The following CARMIL3 variants were observed in gnomAD, a reference collection of about 807,000 sequenced individuals.
CARMIL3 encodes the protein capping protein, Arp2/3 and myosin-I linker protein 3.
Under a neutral mutation model 180.8 loss-of-function variants are expected in CARMIL3, and 88 were observed. The ratio of observed to expected loss-of-function variants is 0.49; its 90% CI spans 0.41 to 0.58. CARMIL3 has a LOEUF of 0.58. CARMIL3 is among the 20% of genes least tolerant of loss of function. CARMIL3 has a pLI of 0.00. For missense variants in CARMIL3, 1,548 were observed against 1,787.0 expected, an observed-to-expected ratio of 0.87 and a Z score of 2.41; for synonymous variants, 696 against 714.5, an observed-to-expected ratio of 0.97 and a Z score of 0.41.
rs2138731702 is a variant in CARMIL3, at chr14:24,058,647, C to T, written c.1393-33C>T. 3.7e-6 allele frequency: 6 copies of T among 1,605,962 alleles called. No individual in the cohort carries two copies. Among genetic ancestry groups the T allele is most frequent in the East Asian group, 4.5e-5 (2 of 44,812 alleles). On this transcript the variant is annotated intron_variant, in intron 17 of 39. Coordinates refer to ENST00000342740, the MANE Select transcript of CARMIL3 (RefSeq NM_138360.4). The surrounding 1 kb of genome is among the most constrained non-coding windows in gnomAD (Gnocchi z 6.4). ...AAAGGTGCCCTACCCCCACCCCAAC[C>T]CCTGCCTTCCCTACCTCACCTTGTC...
rs2035770914 is a variant in CARMIL3, at chr14:24,065,048, C to T, written c.3171C>T (p.His1057=). The T allele has an allele frequency of 6.2e-7, 1 of 1,607,738 alleles. No individual in the cohort carries two copies. The highest frequency in any genetic ancestry group is 1.1e-5 in the South Asian group (1 of 90,592). ...AGAAGAGGCGCCGGGGCCTGTTTCACTTTCGCCGGCCCCGGAGCTTCAAGG... is the reference window on the plus strand; with the variant it reads ...AGAAGAGGCGCCGGGGCCTGTTTCATTTTCGCCGGCCCCGGAGCTTCAAGG... ...LQKKRRRGLF[H]FRRPRSFKGD... The change falls in exon 33 of 40, where the codon CAC becomes CAT. Residue 1057 remains histidine (H), a synonymous_variant. Coordinates refer to ENST00000342740, the MANE Select transcript of CARMIL3 (RefSeq NM_138360.4).
At chr14:24,056,500 G>T in intron 11 of CARMIL3, 107 bp downstream of exon 11, 10 of 1,464,188 alleles carry the variant, frequency 6.8e-6, no homozygotes, top group Non-Finnish European at 9.5e-6. Context: ...TCCAGCCCCT[G>T]CCCTGACACC....
At chr14:24,065,330 G>C (rs2035775901) in intron 33 of CARMIL3, 57 bp downstream of exon 33, 1 of 1,410,698 alleles carries the variant, frequency 7.1e-7, no homozygotes, top group African/African-American at 1.4e-5. Context: ...ACTTAACCCA[G>C]TCTCCTACCC....
intron 10 of CARMIL3, among the ~76,000 whole-genome samples, 197 bp from the exon 11 acceptor site, chr14:24,056,102 A>G (rs1034636648): frequency 2.6e-5 from 4 of 152,150 alleles, no homozygotes; most frequent in African/African-American, 9.7e-5. Flanking sequence ...TCTCAGCACA[A>G]CTTCCTAAGG....
Position 24,054,740 on chromosome 14 carries a change from C to T in CARMIL3, c.392C>T (p.Thr131Ile), listed in dbSNP as rs768156724. 47 of 1,614,014 alleles carry T rather than the reference C, an allele frequency of 2.9e-5. No individual in the cohort carries two copies. The Admixed American group carries it at 7.7e-4, about 26-fold the overall frequency. Reference sequence around the variant, plus strand: ...TTGATCCGGCGTGGAAACGCAGACACCCCAGAGGGGCCCCGAGATACATCC... The same window carrying T: ...TTGATCCGGCGTGGAAACGCAGACATCCCAGAGGGGCCCCGAGATACATCC... ...GCLIRRGNADTPEGPRDTSPN... is the reference protein window; with the variant it reads ...GCLIRRGNADIPEGPRDTSPN... Residue 131 changes from threonine to isoleucine, a missense_variant, in exon 6 of 40, where the codon ACC becomes ATC. Transcript: ENST00000342740. This position sits in a 1 kb window ranked among gnomAD's most constrained non-coding sequence, Gnocchi z 5.1.
At position 24,058,799 on chromosome 14, in the gene CARMIL3, G is replaced by A; in HGVS notation, c.1474+38G>A. Reference sequence around the variant, plus strand: ...TCCTCCCTTCCCTGGGGCCAGGGGAGAACAGGGGCCTGGAGCATGCAGAAG... The same window carrying A: ...TCCTCCCTTCCCTGGGGCCAGGGGAAAACAGGGGCCTGGAGCATGCAGAAG... On this transcript the variant is annotated intron_variant, in intron 18 of 39. Transcript: ENST00000342740. The surrounding 1 kb of genome is among the most constrained non-coding windows in gnomAD (Gnocchi z 6.4). The A allele has an allele frequency of 6.2e-7, 1 of 1,612,990 alleles. No individual in the cohort carries two copies. The highest frequency in any genetic ancestry group is 8.5e-7 in the Non-Finnish European group (1 of 1,179,058).
chr14:24,069,168 C>T lies in CARMIL3; in HGVS notation c.4014C>T (p.Pro1338=), dbSNP rs935884771. ...GPPDPGRRTA[P]LKPKRTRRAQ... ...CTGATCCAGGCCGGCGGACTGCCCC[C>T]CTGAAGCCCAAGAGGACACGGCGGG... The change falls in exon 39 of 40, where the codon CCC becomes CCT. Residue 1338 remains proline, a synonymous_variant. Transcript: ENST00000342740. 1 of 1,614,040 alleles carries T rather than the reference C, an allele frequency of 6.2e-7. No homozygotes were observed. Among genetic ancestry groups the T allele is most frequent in the Non-Finnish European group, 8.5e-7 (1 of 1,179,984 alleles).
At position 24,056,659 on chromosome 14, in the gene CARMIL3, C is replaced by G; in HGVS notation, c.903C>G (p.Pro301=). 1 of 1,613,870 alleles carries G rather than the reference C, an allele frequency of 6.2e-7. No homozygotes were observed. Among genetic ancestry groups the G allele is most frequent in the Non-Finnish European group, 8.5e-7 (1 of 1,180,034 alleles). The change falls in exon 12 of 40, where the codon CCC becomes CCG. Residue 301 remains proline, a synonymous_variant. Coordinates refer to ENST00000342740, the MANE Select transcript of CARMIL3 (RefSeq NM_138360.4). Reference sequence around the variant, plus strand: ...TGAGCCAGCAGCTCCTCTGCTTCCCCTCTGGCCTCACCAAACTGTGCCTGG... The same window carrying G: ...TGAGCCAGCAGCTCCTCTGCTTCCCGTCTGGCCTCACCAAACTGTGCCTGG... ...LSLSQQLLCF[P]SGLTKLCLAK... is the part of the protein sequence containing the mutation.
intron 39 of CARMIL3, 58 bp downstream of exon 39, chr14:24,069,305 C>T: frequency 1.9e-6 from 3 of 1,612,736 alleles, no homozygotes; most frequent in Non-Finnish European, 2.5e-6. Flanking sequence ...ACATGACACC[C>T]CCCGAAGCCC....
At position 24,069,445 on chromosome 14, in the gene CARMIL3, C is replaced by A; in HGVS notation, c.*41C>A. ...CCTCCTCAGCCCTCGACATGTGCCT[C>A]GCAAGGACTCAGACCCCTATCCACC... is the stretch of plus-strand genomic sequence containing the variant. On this transcript the variant is annotated 3_prime_UTR_variant, in exon 40 of 40. Transcript: ENST00000342740. 6.2e-7 allele frequency: 1 copy of A among 1,613,840 alleles called. No homozygotes were observed. Among genetic ancestry groups the A allele is most frequent in the Non-Finnish European group, 8.5e-7 (1 of 1,179,842 alleles).
Position 24,056,948 on chromosome 14 carries a change from AC to A in CARMIL3, c.989del (p.Pro330GlnfsTer12). The A allele has an allele frequency of 6.2e-7, 1 of 1,614,058 alleles. No homozygotes were observed. Among genetic ancestry groups the A allele is most frequent in the Non-Finnish European group, 8.5e-7 (1 of 1,180,012 alleles). On this transcript the variant is annotated frameshift_variant, in exon 13 of 40. Coordinates refer to ENST00000342740, the MANE Select transcript of CARMIL3 (RefSeq NM_138360.4). LOFTEE classifies it high-confidence loss of function. ...LQALGQTFGA[N>X]PAFASSLRYL... ...GCACTCGGCCAGACCTTCGGGGCAA[AC>A]CCAGCATTTGCCAGCTCCCTTCGAT...
chr14:24,054,645 C>T lies in CARMIL3; in HGVS notation c.363-66C>T. Reference sequence around the variant, plus strand: ...CCTGGTTTTTCCTGGGATGCAGGAGCTATAACGTGGGAAGAACTGAGAGCC... The same window carrying T: ...CCTGGTTTTTCCTGGGATGCAGGAGTTATAACGTGGGAAGAACTGAGAGCC... On this transcript the variant is annotated intron_variant, in intron 5 of 39. Transcript: ENST00000342740. The surrounding 1 kb of genome is among the most constrained non-coding windows in gnomAD (Gnocchi z 5.1). 6.5e-7 allele frequency: 1 copy of T among 1,535,412 alleles called. No homozygotes were observed. Among genetic ancestry groups the T allele is most frequent in the Non-Finnish European group, 9.0e-7 (1 of 1,116,530 alleles).
At chr14:24,064,418 C>T (rs1167777922) in intron 32 of CARMIL3, 72 bp downstream of exon 32, 2 of 1,123,726 alleles carry the variant, frequency 1.8e-6, no homozygotes, top group South Asian at 1.3e-5. Flanking sequence ...GTCCTCCCAG[C>T]TCCCATGGGA....
At chr14:24,053,662 T>A (rs762597166) in intron 1 of CARMIL3, 47 bp from the exon 2 acceptor site, 2 of 1,441,836 alleles carry the variant, frequency 1.4e-6, no homozygotes, top group Admixed American at 3.9e-5. Context: ...GAGGTGGGGG[T>A]GGCCAGGGTA....
intron 27 of CARMIL3, 50 bp from the exon 28 acceptor site, chr14:24,062,430 G>T (rs764862064): frequency 6.6e-7 from 1 of 1,521,128 alleles, no homozygotes; most frequent in South Asian, 1.1e-5. Context: ...CAGGGGCCAT[G>T]CGGGGGACTG....
rs1251581917 is a variant in CARMIL3, at chr14:24,054,697, T to C, written c.363-14T>C. On this transcript the variant is annotated splice_polypyrimidine_tract_variant and intron_variant, in intron 5 of 39. Transcript: ENST00000342740. The surrounding 1 kb of genome is among the most constrained non-coding windows in gnomAD (Gnocchi z 5.1). ...CTTTCCAGCCCTCTCTGGAATGACT[T>C]GTTTCTTTTCCAGGTGTTTGATCCG... is the stretch of plus-strand genomic sequence containing the variant. 1.2e-6 allele frequency: 2 copies of C among 1,611,300 alleles called. No homozygotes were observed. Among genetic ancestry groups the C allele is most frequent in the East Asian group, 4.5e-5 (2 of 44,846 alleles).
Position 24,066,678 on chromosome 14 carries a change from G to A in CARMIL3, c.3682+22G>A, listed in dbSNP as rs986998332. ...ATAGGTATGGAAAGCCTCTTTTCAGGCAGCAGTACTGAAAGCCCAGGGTGT... is the reference window on the plus strand; with the variant it reads ...ATAGGTATGGAAAGCCTCTTTTCAGACAGCAGTACTGAAAGCCCAGGGTGT... On this transcript the variant is annotated intron_variant, in intron 36 of 39. Transcript: ENST00000342740. 9 of 1,611,682 alleles carry A rather than the reference G, an allele frequency of 5.6e-6. No homozygotes were observed. In the East Asian group the frequency reaches 2.0e-4, roughly 36 times the overall value.
chr14:24,061,163 C>G lies in CARMIL3; in HGVS notation c.2304+123C>G. On this transcript the variant is annotated intron_variant, in intron 26 of 39. Transcript: ENST00000342740. The surrounding 1 kb of genome is among the most constrained non-coding windows in gnomAD (Gnocchi z 4.1). ...GCCAGGAGGACATGCAGAGTTGAGACCACCCACGCTCCCACTGTACCAAGG... is the reference window on the plus strand; with the variant it reads ...GCCAGGAGGACATGCAGAGTTGAGAGCACCCACGCTCCCACTGTACCAAGG... 1 of 807,332 alleles carries G rather than the reference C, an allele frequency of 1.2e-6. No homozygotes were observed. Among genetic ancestry groups the G allele is most frequent in the Non-Finnish European group, 2.0e-6 (1 of 503,540 alleles). 50.0% of individuals were successfully genotyped at this position (807,332 alleles called of 1,614,324 possible).
rs144119176 is a variant in CARMIL3, at chr14:24,061,554, G to A, written c.2362G>A (p.Val788Met). The A allele has an allele frequency of 1.5e-5, 24 of 1,613,982 alleles. No individual in the cohort carries two copies. Among genetic ancestry groups the A allele is most frequent in the African/African-American group, 5.3e-5 (4 of 74,904 alleles). The change falls in exon 27 of 40, where the codon GTG becomes ATG. Residue 788 changes from valine to methionine, a missense_variant. Physicochemically the swap from Val to Met is conservative, Grantham distance 21. Transcript: ENST00000342740. The surrounding 1 kb of genome is among the most constrained non-coding windows in gnomAD (Gnocchi z 4.1). ...GGAGTTATGCCCTGTGGCCATGCGG[G>A]TGGCCGAGGGACACAACAAGATGCT... ...TQELCPVAMR[V>M]AEGHNKMLSN...
Sources: gnomAD v4.1 joint callset for allele counts (sites outside exome capture counted in the v4.1 genomes callset) on GRCh38, gnomAD v4.1.1 for gene constraint, Gnocchi (gnomAD v3.1) non-coding constraint, MANE v1.5 for transcripts, NCBI Gene and HGNC (gene_info 2026-07-23, HGNC 2026-07-21) for gene names.